The following PDZRN4 variants were observed in gnomAD, a reference collection of about 807,000 sequenced individuals.
The protein encoded by PDZRN4 is PDZ domain containing ring finger 4, also known as PDZ domain-containing RING finger protein 4.
Under a neutral mutation model 99.0 loss-of-function variants are expected in PDZRN4, and 70 were observed. The observed-to-expected ratio is 0.71, with a 90% CI of 0.58 to 0.86. PDZRN4 has a LOEUF of 0.86. Ranked by LOEUF, PDZRN4 falls within the 40% of genes least tolerant of loss-of-function variation. The probability of loss-of-function intolerance (pLI) is 0.00; values close to 1 mark genes in which losing one functional copy is unlikely to be tolerated. For missense variants in PDZRN4, 1,474 were observed against 1,331.2 expected, an observed-to-expected ratio of 1.11 and a Z score of -1.67; for synonymous variants, 551 against 501.6, an observed-to-expected ratio of 1.10 and a Z score of -1.32.
At chr12:41,394,144 C>T (rs1952228956) in intron 3 of PDZRN4, among the ~76,000 whole-genome samples, 1 of 152,110 alleles carries the variant, frequency 6.6e-6, no homozygotes, top group African/African-American at 2.4e-5. Flanking sequence ...TGCATCCTCA[C>T]ATGGTGGAAA....
At chr12:41,566,013 G>T (rs553863748) in intron 8 of PDZRN4, among the ~76,000 whole-genome samples, 2 of 152,128 alleles carry the variant, frequency 1.3e-5, no homozygotes, top group Admixed American at 6.6e-5. Flanking sequence ...AGGTAGAAAG[G>T]GGGAAATAGG....
intron 5 of PDZRN4, among the ~76,000 whole-genome samples, chr12:41,522,306 C>T (rs1938505314): frequency 6.6e-6 from 1 of 152,136 alleles, no homozygotes; most frequent in Non-Finnish European, 1.5e-5. Flanking sequence ...GGACTCCAAA[C>T]TTCTCTTTGT....
intron 3 of PDZRN4, among the ~76,000 whole-genome samples, chr12:41,473,098 T>TTG (rs1565592162): frequency 6.8e-6 from 1 of 146,382 alleles, no homozygotes; most frequent in African/African-American, 2.7e-5. Flanking sequence ...TACAGTTTTG[T>TTG]TTTATTTTTT....
chr12:41,253,376 C>T (rs565723909), intron 3 of PDZRN4, among the ~76,000 whole-genome samples: 1 of 152,184 alleles, frequency 6.6e-6, no homozygotes, highest in African/African-American at 2.4e-5. Context: ...TAGTTTCATT[C>T]TTCTGCATAC....
At chr12:41,364,402 G>T (rs1951983544) in intron 3 of PDZRN4, among the ~76,000 whole-genome samples, 1 of 152,074 alleles carries the variant, frequency 6.6e-6, no homozygotes, top group African/African-American at 2.4e-5. Context: ...AATGGATGAA[G>T]TGGGGTGACA....
intron 3 of PDZRN4, chr12:41,460,142 T>A: frequency 8.7e-7 from 1 of 1,152,114 alleles, no homozygotes; most frequent in Non-Finnish European, 1.1e-6. Context: ...ATGTTTTTAC[T>A]GTTACCTTTT....
intron 5 of PDZRN4, among the ~76,000 whole-genome samples, chr12:41,539,582 T>G (rs2120762869): frequency 6.6e-6 from 1 of 152,252 alleles, no homozygotes; most frequent in Non-Finnish European, 1.5e-5. Flanking sequence ...TTAGAAACAT[T>G]GCAGGAATAG....
chr12:41,454,435 T>A (rs1469154784), intron 3 of PDZRN4, among the ~76,000 whole-genome samples: 1 of 152,222 alleles, frequency 6.6e-6, no homozygotes, highest in African/African-American at 2.4e-5. Flanking sequence ...TATTTTTTTC[T>A]TTTCTTACAA....
At chr12:41,438,416 CAGG>C (rs1163351666) in intron 3 of PDZRN4, among the ~76,000 whole-genome samples, 4 of 152,070 alleles carry the variant, frequency 2.6e-5, no homozygotes, top group Non-Finnish European at 5.9e-5. Flanking sequence ...TTTCAATAGA[CAGG>C]AGAAGTTTCC....
At chr12:41,379,087 C>T (rs1592035311) in intron 3 of PDZRN4, among the ~76,000 whole-genome samples, 3 of 151,998 alleles carry the variant, frequency 2.0e-5, no homozygotes, top group South Asian at 4.2e-4. Flanking sequence ...ATTCAGTTTT[C>T]ATAGGTTATA....
At chr12:41,537,816 T>A (rs983674050) in intron 5 of PDZRN4, among the ~76,000 whole-genome samples, 2 of 152,144 alleles carry the variant, frequency 1.3e-5, no homozygotes, top group Non-Finnish European at 2.9e-5. Flanking sequence ...TAAACCTGGA[T>A]GACTGGCAAA....
At chr12:41,458,261 G>A (rs1315884745) in intron 3 of PDZRN4, among the ~76,000 whole-genome samples, 1 of 152,132 alleles carries the variant, frequency 6.6e-6, no homozygotes, top group Non-Finnish European at 1.5e-5. Flanking sequence ...AGGTTCAAGT[G>A]ATTCTCCTGT....
intron 3 of PDZRN4, chr12:41,437,749 G>A (rs1247439316): frequency 1.2e-5 from 18 of 1,488,380 alleles, no homozygotes; most frequent in Non-Finnish European, 1.4e-5. Context: ...AAGATACTTA[G>A]GGAAAGCGAA....
intron 3 of PDZRN4, among the ~76,000 whole-genome samples, chr12:41,361,180 A>T (rs991996735): frequency 1.3e-5 from 2 of 152,100 alleles, no homozygotes; most frequent in Non-Finnish European, 2.9e-5. Flanking sequence ...TCTTTCAAGA[A>T]TAATCGCTCA....
chr12:41,303,796 T>C (rs1322681794), intron 3 of PDZRN4, among the ~76,000 whole-genome samples: 1 of 152,206 alleles, frequency 6.6e-6, no homozygotes, highest in Non-Finnish European at 1.5e-5. Context: ...GGCTAAAATC[T>C]GAGTATGCTC....
Position 41,552,543 on chromosome 12 carries a change from G to C in PDZRN4, c.1204-113G>C, listed in dbSNP as rs538866546. On this transcript the variant is annotated intron_variant, in intron 5 of 9. Transcript: ENST00000402685. Reference sequence around the variant, plus strand: ...AAAAAAAAGTTAATTTCCAATGTTGGGCAATAATTATTAATACTTGCCAGA... The same window carrying C: ...AAAAAAAAGTTAATTTCCAATGTTGCGCAATAATTATTAATACTTGCCAGA... 1.3e-4 allele frequency: 87 copies of C among 679,768 alleles called. No homozygotes were observed. In the Middle Eastern group the frequency reaches 1.5e-3, roughly 12 times the overall value. The allele number at this position is 679,768 out of a possible 1,614,324, so 42.1% of individuals were successfully genotyped here. A position where few individuals can be genotyped will look rare whatever the true frequency, so the allele number is the denominator to read the frequency against.
chr12:41,199,987 C>A (rs1230611882), intron 3 of PDZRN4, among the ~76,000 whole-genome samples: 1 of 152,106 alleles, frequency 6.6e-6, no homozygotes, highest in Non-Finnish European at 1.5e-5. Context: ...CATAAAAAAA[C>A]TGCATTTGTA....
intron 3 of PDZRN4, among the ~76,000 whole-genome samples, chr12:41,346,821 C>T (rs1436981560): frequency 6.6e-6 from 1 of 152,128 alleles, no homozygotes; most frequent in African/African-American, 2.4e-5. Flanking sequence ...ATTCTCCATT[C>T]CTCTAACCTC....
intron 5 of PDZRN4, among the ~76,000 whole-genome samples, chr12:41,533,320 G>T (rs917703097): frequency 1.3e-5 from 2 of 151,722 alleles, no homozygotes; most frequent in Non-Finnish European, 2.9e-5. Context: ...GATTACAGGC[G>T]AGTGCCACCA....
Sources: gnomAD v4.1 joint callset for allele counts (sites outside exome capture counted in the v4.1 genomes callset) on GRCh38, gnomAD v4.1.1 for gene constraint, MANE v1.5 for transcripts, NCBI Gene and HGNC (gene_info 2026-07-23, HGNC 2026-07-21) for gene names.